Variants in DSG1 observed in about 807,000 individuals in gnomAD.
The protein encoded by DSG1 is desmoglein-1.
Under a neutral mutation model 97.5 loss-of-function variants are expected in DSG1, and 39 were observed. The ratio of observed to expected loss-of-function variants is 0.40; its 90% CI spans 0.31 to 0.52. The LOEUF is 0.52. Ranked by LOEUF, DSG1 falls within the 20% of genes least tolerant of loss-of-function variation. DSG1 has a pLI of 0.53. For synonymous variants in DSG1, 475 were observed against 443.4 expected (o/e 1.07, Z -0.90); for missense variants, 1,311 against 1,295.4 (o/e 1.01, Z -0.18).
chr18:31,353,801 G>A (rs2071925579), intron 14 of DSG1: 1 of 171,940 alleles, frequency 5.8e-6, no homozygotes, highest in African/African-American at 2.4e-5. Flanking sequence ...CGCTTCCCAA[G>A]TGAGGCAATG....
Position 31,355,363 on chromosome 18 carries a change from C to T in DSG1, c.*17C>T. 5 of 1,611,950 alleles carry T rather than the reference C, an allele frequency of 3.1e-6. No individual in the cohort carries two copies. The highest frequency in any genetic ancestry group is 4.2e-6 in the Non-Finnish European group (5 of 1,178,408). On this transcript the variant is annotated 3_prime_UTR_variant, in exon 15 of 15. Coordinates refer to ENST00000257192, the MANE Select transcript of DSG1 (RefSeq NM_001942.4). ...AGCAAGTAGTCAGGACCCCAGCTCA[C>T]TTTTTCATAGTCATTGTGGTTTAGA...
At chr18:31,332,253 T>A (rs935144429) in intron 6 of DSG1, among the ~76,000 whole-genome samples, 1 of 152,288 alleles carries the variant, frequency 6.6e-6, no homozygotes, top group African/African-American at 2.4e-5. Flanking sequence ...TTACAGTGCA[T>A]GCGAGTATGC....
At chr18:31,330,113 C>T in intron 5 of DSG1, 77 bp downstream of exon 5, 1 of 1,514,930 alleles carries the variant, frequency 6.6e-7, no homozygotes, top group Non-Finnish European at 9.2e-7. Flanking sequence ...TCAAAGTACA[C>T]ATCATGAATG....
chr18:31,328,668 C>T (rs1177696941), intron 4 of DSG1, among the ~76,000 whole-genome samples: 1 of 151,924 alleles, frequency 6.6e-6, no homozygotes, highest in South Asian at 2.1e-4. Flanking sequence ...TATTTTAAGT[C>T]TAATGTCAAG....
intron 4 of DSG1, 65 bp downstream of exon 4, chr18:31,328,409 A>G: frequency 2.0e-6 from 3 of 1,502,090 alleles, no homozygotes; most frequent in Non-Finnish European, 2.8e-6. Flanking sequence ...TCTTAATCTC[A>G]GATCATACTT....
Position 31,359,126 on chromosome 18 carries a change from C to G in DSG1, c.*3780C>G, listed in dbSNP as rs2071981911. ...ACACAAGGTTCTCTTATTCAAGTTT[C>G]AATATAAAAGTTTTTGGATTATTTG... On this transcript the variant is annotated 3_prime_UTR_variant, in exon 15 of 15. Coordinates refer to ENST00000257192, the MANE Select transcript of DSG1 (RefSeq NM_001942.4). Among the ~76,000 whole-genome samples, 1 of 152,024 alleles carries G rather than the reference C, an allele frequency of 6.6e-6. No homozygotes were observed. The highest frequency in any genetic ancestry group is 2.4e-5 in the African/African-American group (1 of 41,426).
At chr18:31,321,610 A>C (rs2071654618) in intron 1 of DSG1, among the ~76,000 whole-genome samples, 1 of 152,188 alleles carries the variant, frequency 6.6e-6, no homozygotes, top group African/African-American at 2.4e-5. Flanking sequence ...CAAGGAGTAC[A>C]CATTTATCAT....
chr18:31,332,963 C>A (rs1440890447), intron 6 of DSG1, among the ~76,000 whole-genome samples: 1 of 152,162 alleles, frequency 6.6e-6, no homozygotes, highest in Non-Finnish European at 1.5e-5. Context: ...CATTGGGAAG[C>A]CACCAGGGCA....
intron 14 of DSG1, among the ~76,000 whole-genome samples, chr18:31,349,221 G>A (rs2071872244): frequency 7.3e-6 from 1 of 137,288 alleles, no homozygotes; most frequent in Non-Finnish European, 1.5e-5. Flanking sequence ...ATTAAATAGG[G>A]AATCCTTTCC....
chr18:31,353,231 G>A (rs1341861480), intron 14 of DSG1, among the ~76,000 whole-genome samples: 3 of 150,710 alleles, frequency 2.0e-5, no homozygotes, highest in Non-Finnish European at 4.4e-5. Flanking sequence ...ACCCTGCCGT[G>A]TGAGGTGTCA....
At position 31,318,323 on chromosome 18, in the gene DSG1, T is replaced by G; in HGVS notation, c.23T>G (p.Val8Gly). 1 of 1,613,530 alleles carries G rather than the reference T, an allele frequency of 6.2e-7. No homozygotes were observed. The highest frequency in any genetic ancestry group is 8.5e-7 in the Non-Finnish European group (1 of 1,179,488). Reference sequence around the variant, plus strand: ...GAGATGGACTGGAGTTTCTTCAGAGTAGTTGCAATGCTGTTCATTTTTCTG... The same window carrying G: ...GAGATGGACTGGAGTTTCTTCAGAGGAGTTGCAATGCTGTTCATTTTTCTG... MDWSFFR[V>G]VAMLFIFLVV... The change falls in exon 1 of 15, where the codon GTA becomes GGA. Residue 8 changes from valine to glycine, a missense_variant. Val to Gly is a moderately radical substitution (Grantham distance 109). Around this residue, in one of 3 missense-constraint regions of DSG1, gnomAD observed 259 missense variants for 304.1 expected, o/e 0.85. Coordinates refer to ENST00000257192, the MANE Select transcript of DSG1 (RefSeq NM_001942.4).
chr18:31,339,135 T>A (rs2144101670), intron 10 of DSG1, among the ~76,000 whole-genome samples: 1 of 152,258 alleles, frequency 6.6e-6, no homozygotes, highest in East Asian at 1.9e-4. Flanking sequence ...AGATGTTAAT[T>A]ACAGCACTAA....
intron 1 of DSG1, 79 bp from the exon 2 acceptor site, chr18:31,326,502 T>G: frequency 8.7e-7 from 1 of 1,143,456 alleles, no homozygotes; most frequent in Non-Finnish European, 1.3e-6. Flanking sequence ...TTTCATGTTG[T>G]TTTTAAAGTA....
intron 6 of DSG1, among the ~76,000 whole-genome samples, chr18:31,332,986 C>G (rs2071729987): frequency 6.6e-6 from 1 of 152,168 alleles, no homozygotes; most frequent in Admixed American, 6.5e-5. Context: ...TATTCTCAAC[C>G]TGGGGTCAAT....
In DSG1 at chr18:31,354,342, G is replaced by A. The variant is rs749599965; in HGVS notation, c.2146G>A (p.Asp716Asn). The A allele has an allele frequency of 5.6e-6, 9 of 1,614,110 alleles. No homozygotes were observed. The highest frequency in any genetic ancestry group is 4.0e-5 in the African/African-American group (3 of 74,936). Residue 716 changes from aspartate (D) to asparagine (N), a missense_variant, in exon 15 of 15, where the codon GAC becomes AAC. Asp to Asn is a conservative substitution (Grantham distance 23). Around this residue, in one of 3 missense-constraint regions of DSG1, gnomAD observed 1,038 missense variants for 964.6 expected, o/e 1.08. Coordinates refer to ENST00000257192, the MANE Select transcript of DSG1 (RefSeq NM_001942.4). ...TGAAGATGAAGGACGCCCATCTAAT[G>A]ACTGTTTGCTCATATATGACATCGA... ...ADEDEGRPSN[D>N]CLLIYDIEGV...
chr18:31,328,263 T>C lies in DSG1; in HGVS notation c.291T>C (p.Tyr97=). The C allele has an allele frequency of 6.2e-7, 1 of 1,613,644 alleles. No individual in the cohort carries two copies. The highest frequency in any genetic ancestry group is 8.5e-7 in the Non-Finnish European group (1 of 1,179,630). ...GAGTAGGAATTGATCAGCCACCATA[T>C]GGGATCTTTGTCATTAATCAGAAAA... ...ISGVGIDQPP[Y]GIFVINQKTG... Residue 97 remains tyrosine, a synonymous_variant, in exon 4 of 15, where the codon TAT becomes TAC. Coordinates refer to ENST00000257192, the MANE Select transcript of DSG1 (RefSeq NM_001942.4).
intron 5 of DSG1, among the ~76,000 whole-genome samples, chr18:31,330,506 A>G (rs994921985): frequency 1.3e-5 from 2 of 151,784 alleles, no homozygotes; most frequent in Non-Finnish European, 2.9e-5. Flanking sequence ...GTGAATTCCA[A>G]AAATCCCTAC....
At chr18:31,342,253 G>A (rs1020192452) in intron 11 of DSG1, among the ~76,000 whole-genome samples, 9 of 151,860 alleles carry the variant, frequency 5.9e-5, no homozygotes, top group African/African-American at 1.9e-4. Flanking sequence ...TTTACATTGC[G>A]GACTACCTCT....
At chr18:31,324,011 C>G (rs1490628596) in intron 1 of DSG1, among the ~76,000 whole-genome samples, 118 of 99,176 alleles carry the variant, frequency 1.2e-3, no homozygotes, top group African/African-American at 4.6e-3. Context: ...TTTTTTGAGA[C>G]AAAGTCTTGC....
Sources: gnomAD v4.1 joint callset for allele counts (sites outside exome capture counted in the v4.1 genomes callset) on GRCh38, gnomAD v4.1.1 for gene constraint, gnomAD v4.1.1 regional missense constraint, MANE v1.5 for transcripts, NCBI Gene and HGNC (gene_info 2026-07-23, HGNC 2026-07-21) for gene names.